PIP5K1B: variants seen among roughly 807,000 people sequenced by gnomAD.
PIP5K1B encodes phosphatidylinositol 4-phosphate 5-kinase type-1 beta.
A neutral mutation model predicts 67.0 loss-of-function variants in PIP5K1B; 42 were observed. That is an observed-to-expected ratio of 0.63 (90% CI 0.49 to 0.81). The LOEUF is 0.81. PIP5K1B is among the 30% of genes least tolerant of loss of function. The pLI is 0.00. For synonymous variants in PIP5K1B, 214 were observed against 231.4 expected (o/e 0.92, Z 0.68); for missense variants, 459 against 646.3 (o/e 0.71, Z 3.14).
chr9:68,757,499 A>G (rs1218865041), intron 2 of PIP5K1B, among the ~76,000 whole-genome samples: 1 of 152,044 alleles, frequency 6.6e-6, no homozygotes. Flanking sequence ...GGCCTTGAAA[A>G]ATGTGAGTTC....
Position 68,864,487 on chromosome 9 carries a change from A to C in PIP5K1B, c.200+520A>C, listed in dbSNP as rs1823263267. 2.6e-5 allele frequency among the ~76,000 whole-genome samples: 4 copies of C among 152,344 alleles called. No homozygotes were observed. In the South Asian group the frequency reaches 8.3e-4, roughly 32 times the overall value. On this transcript the variant is annotated intron_variant, in intron 5 of 15. Coordinates refer to ENST00000265382, the MANE Select transcript of PIP5K1B (RefSeq NM_003558.4). ...AATCCTGCTGTTTGCAAAAATACCA[A>C]AGTTACCCATATATGTTGTCTCTAG...
intron 4 of PIP5K1B, among the ~76,000 whole-genome samples, chr9:68,823,413 CCAA>C (rs1302446847): frequency 6.6e-6 from 1 of 152,182 alleles, no homozygotes. Context: ...CTACTTTCCA[CCAA>C]CATTTAAAAC....
chr9:68,780,153 C>T (rs1042524620), intron 2 of PIP5K1B: 4 of 1,509,798 alleles, frequency 2.6e-6, no homozygotes, highest in Non-Finnish European at 3.5e-6. Context: ...CCCCCGCCTC[C>T]CTGCCCCCGA....
At chr9:68,891,543 A>G (rs4237270) in intron 7 of PIP5K1B, among the ~76,000 whole-genome samples, 66,094 of 151,830 alleles carry the variant, frequency 0.44, 14,660 homozygotes, top group South Asian at 0.51. Context: ...GAAAAATACA[A>G]GAATCCTTTC....
At chr9:68,908,532 G>A (rs1347508399) in intron 8 of PIP5K1B, among the ~76,000 whole-genome samples, 3 of 151,852 alleles carry the variant, frequency 2.0e-5, no homozygotes, top group African/African-American at 7.3e-5. Context: ...GCCAAAACAA[G>A]GATTTAATAT....
At chr9:68,835,918 T>G (rs1336939026) in intron 4 of PIP5K1B, among the ~76,000 whole-genome samples, 1 of 151,944 alleles carries the variant, frequency 6.6e-6, no homozygotes, top group Non-Finnish European at 1.5e-5. Flanking sequence ...TCTCAGTGTC[T>G]GATTTAGTTT....
intron 12 of PIP5K1B, among the ~76,000 whole-genome samples, chr9:68,926,974 T>C (rs1422932873): frequency 2.0e-5 from 3 of 152,204 alleles, no homozygotes; most frequent in Admixed American, 2.0e-4. Context: ...CAACTACTGA[T>C]TTACTTTCTG....
chr9:69,008,405 T>G, intron 15 of PIP5K1B, 42 bp from the exon 16 acceptor site: 1 of 1,608,280 alleles, frequency 6.2e-7, no homozygotes, highest in Non-Finnish European at 8.5e-7. Context: ...TACAAATTGA[T>G]GCCAAAATCT....
At chr9:68,748,658 G>A (rs1331946024) in intron 2 of PIP5K1B, among the ~76,000 whole-genome samples, 3 of 80,578 alleles carry the variant, frequency 3.7e-5, no homozygotes, top group South Asian at 7.6e-4. Context: ...TTTCACTCTT[G>A]TTGCCCAGGC....
chr9:68,739,539 T>G (rs1160887432), intron 1 of PIP5K1B, among the ~76,000 whole-genome samples: 3 of 152,248 alleles, frequency 2.0e-5, no homozygotes, highest in Admixed American at 2.0e-4. Context: ...CATTTATATT[T>G]AAACATAAAT....
At chr9:68,981,720 A>G (rs908219001) in intron 14 of PIP5K1B, among the ~76,000 whole-genome samples, 2 of 152,224 alleles carry the variant, frequency 1.3e-5, no homozygotes, top group African/African-American at 2.4e-5. Context: ...AAAATTATCA[A>G]TGACTGTTTT....
chr9:68,852,711 T>G (rs1408012818), intron 4 of PIP5K1B, among the ~76,000 whole-genome samples: 2 of 152,102 alleles, frequency 1.3e-5, no homozygotes, highest in South Asian at 2.1e-4. Context: ...GAAGTGGATA[T>G]TCTCTCACTT....
At position 68,973,107 on chromosome 9, in the gene PIP5K1B, A is replaced by T. The variant is rs145782558; in HGVS notation, c.1503-18033A>T. The stretch of plus-strand genomic sequence containing the variant: ...TGCCCAAGCAAGCCCCAGCTAAGTA[A>T]TGCTGGTTAGAAGGGGAGACCACAA... On this transcript the variant is annotated intron_variant, in intron 14 of 15. Transcript: ENST00000265382. 7.7e-3 allele frequency among the ~76,000 whole-genome samples: 1,171 copies of T among 152,346 alleles called. 16 individuals are homozygous for T. The highest frequency in any genetic ancestry group is 0.027 in the African/African-American group (1,121 of 41,568).
rs1330963855 is a variant in PIP5K1B at position 68,894,408 on chromosome 9, A to G, written c.541A>G (p.Ile181Val). ...ACTGTATTGTATGCAATCAGGAGGC[A>G]TTAATATCAGGATTGTGGTGATGAA... ...YGLYCMQSGG[I>V]NIRIVVMNNV... Residue 181 changes from isoleucine to valine, a missense_variant, in exon 8 of 16, where the codon ATT becomes GTT. Physicochemically the swap from Ile to Val is conservative, Grantham distance 29 (BLOSUM62 3). Transcript: ENST00000265382. 1.9e-6 allele frequency: 3 copies of G among 1,613,994 alleles called. No homozygotes were observed. The highest frequency in any genetic ancestry group is 1.7e-5 in the Admixed American group (1 of 60,020).
Position 68,917,617 on chromosome 9 carries a change from A to C in PIP5K1B, c.841A>C (p.Lys281Gln). Reference sequence around the variant, plus strand: ...AATTCATTTCCTGGACCATTCCCTCAAAGAGAAAGAGGAGGAGACCCCACA... The same window carrying C: ...AATTCATTTCCTGGACCATTCCCTCCAAGAGAAAGAGGAGGAGACCCCACA... ...LGIHFLDHSL[K>Q]EKEEETPQNV... Residue 281 changes from lysine to glutamine, a missense_variant, in exon 9 of 16, where the codon AAA becomes CAA. Lys to Gln is a moderately conservative substitution (Grantham distance 53). Around this residue, in one of 2 missense-constraint regions of PIP5K1B, gnomAD observed 290 missense variants for 474.4 expected, o/e 0.61. Transcript: ENST00000265382. 4 of 1,614,038 alleles carry C rather than the reference A, an allele frequency of 2.5e-6. No homozygotes were observed. Among genetic ancestry groups the C allele is most frequent in the Non-Finnish European group, 3.4e-6 (4 of 1,179,886 alleles).
At chr9:68,867,065 T>C (rs886322431) in intron 5 of PIP5K1B, among the ~76,000 whole-genome samples, 2 of 152,198 alleles carry the variant, frequency 1.3e-5, no homozygotes, top group Non-Finnish European at 2.9e-5. Context: ...ATACTACTTA[T>C]AGTGTACATG....
intron 6 of PIP5K1B, among the ~76,000 whole-genome samples, chr9:68,888,247 G>C (rs1824589203): frequency 6.6e-6 from 1 of 152,164 alleles, no homozygotes. Context: ...CAAAGTGCTG[G>C]AATTACAGGC....
intron 4 of PIP5K1B, among the ~76,000 whole-genome samples, chr9:68,847,613 T>TG (rs1822264510): frequency 6.6e-6 from 1 of 152,078 alleles, no homozygotes; most frequent in African/African-American, 2.4e-5. Flanking sequence ...AGATTCCCAA[T>TG]GTTATAGTGA....
intron 2 of PIP5K1B, chr9:68,779,992 G>T: frequency 1.2e-6 from 1 of 835,504 alleles, no homozygotes; most frequent in Non-Finnish European, 1.7e-6. Flanking sequence ...GCATTAAGCA[G>T]GCGCCGCGAG....
Sources: allele counts gnomAD v4.1 joint callset (sites outside exome capture counted in the v4.1 genomes callset), GRCh38; gene constraint gnomAD v4.1.1; regional missense constraint gnomAD v4.1.1; transcripts MANE v1.5; gene names NCBI Gene and HGNC (gene_info 2026-07-23, HGNC 2026-07-21).